Variants in KRT8 observed in about 807,000 individuals in gnomAD.
KRT8 encodes the protein keratin, type II cytoskeletal 8.
Under a neutral mutation model 43.0 loss-of-function variants are expected in KRT8, and 24 were observed. The ratio of observed to expected loss-of-function variants is 0.56; its 90% CI spans 0.40 to 0.78. The LOEUF (loss-of-function observed/expected upper bound fraction) is 0.78. Ranked by LOEUF, KRT8 falls within the 30% of genes least tolerant of loss-of-function variation. KRT8 has a pLI of 0.00. For missense variants in KRT8, 492 were observed against 638.4 expected, an observed-to-expected ratio of 0.77 and a Z score of 2.47; for synonymous variants, 214 against 261.2, an observed-to-expected ratio of 0.82 and a Z score of 1.74.
rs916289446 is a variant in KRT8, at chr12:52,934,969, CA to C, written c.-47+14486del. Among the ~76,000 whole-genome samples, 227 of 137,074 alleles carry C rather than the reference CA, an allele frequency of 1.7e-3. 1 individual carries two copies. Among genetic ancestry groups the C allele is most frequent in the African/African-American group, 5.6e-3 (208 of 37,072 alleles). The allele number at this position is 137,074 out of a possible 152,430, so 89.9% of individuals were successfully genotyped here. ...GGGCAACAAGAGTGAAACTCCGTCTCAAAAAAAAAAGGATAGATACATCTAT... is the reference window on the plus strand; with the variant it reads ...GGGCAACAAGAGTGAAACTCCGTCTCAAAAAAAAAGGATAGATACATCTAT... On this transcript the variant is annotated intron_variant, in intron 2 of 6. Coordinates refer to the KRT8 transcript ENST00000546826.
intron 2 of KRT8, among the ~76,000 whole-genome samples, chr12:52,941,803 G>A (rs1942273942): frequency 6.6e-6 from 1 of 151,884 alleles, no homozygotes; most frequent in Admixed American, 6.6e-5. Flanking sequence ...CTCACTTTTT[G>A]AAGCCCTGTC....
Position 52,932,143 on chromosome 12 carries a change from G to A in KRT8, c.-47+17313C>T, listed in dbSNP as rs112661089. Among the ~76,000 whole-genome samples, 253 of 149,002 alleles carry A rather than the reference G, an allele frequency of 1.7e-3. 1 individual carries two copies. Among genetic ancestry groups the A allele is most frequent in the African/African-American group, 6.0e-3 (243 of 40,256 alleles). ...GAGTCTCACTCTGTCACCCAGGCTG[G>A]AGTGCAGTGGCACGATCTCAGCTCA... On this transcript the variant is annotated intron_variant, in intron 2 of 6. Coordinates refer to the KRT8 transcript ENST00000546826.
At chr12:52,924,019 A>G (rs950887960) in intron 2 of KRT8, among the ~76,000 whole-genome samples, 1 of 151,028 alleles carries the variant, frequency 6.6e-6, no homozygotes, top group Non-Finnish European at 1.5e-5. Context: ...TAATTTTCGT[A>G]TTTTTTCAGT....
chr12:52,901,567 T>G, intron 2 of KRT8: 1 of 565,262 alleles, frequency 1.8e-6, no homozygotes, highest in Non-Finnish European at 3.2e-6. Flanking sequence ...AGTACAAAAG[T>G]GAGGCCCACA....
chr12:52,906,059 C>T (rs375979919), upstream of KRT8, among the ~76,000 whole-genome samples: 5 of 152,090 alleles, frequency 3.3e-5, no homozygotes, highest in East Asian at 7.7e-4. Context: ...CCAGCCTGGG[C>T]GACAGAGCGA....
upstream of KRT8, among the ~76,000 whole-genome samples, chr12:52,908,366 C>T (rs1337934857): frequency 3.3e-5 from 5 of 152,166 alleles, no homozygotes; most frequent in African/African-American, 1.2e-4. Context: ...TGATCTCATT[C>T]GCTGCAACCT....
At chr12:52,918,931 G>A (rs1051005883) in intron 2 of KRT8, among the ~76,000 whole-genome samples, 2 of 152,152 alleles carry the variant, frequency 1.3e-5, no homozygotes, top group East Asian at 1.9e-4. Flanking sequence ...TTGCAGAACA[G>A]AACAGTGTCT....
At chr12:52,938,178 T>TTG (rs1942209598) in intron 2 of KRT8, among the ~76,000 whole-genome samples, 1 of 54,900 alleles carries the variant, frequency 1.8e-5, no homozygotes, top group African/African-American at 7.5e-5. Flanking sequence ...ATATTTTTTT[T>TTG]TTTTTTTATA....
At chr12:52,931,121 G>A (rs1942076213) in intron 2 of KRT8, among the ~76,000 whole-genome samples, 1 of 150,014 alleles carries the variant, frequency 6.7e-6, no homozygotes, top group South Asian at 2.1e-4. Context: ...AGGCTGCAGT[G>A]CAGTGGCATG....
intron 2 of KRT8, among the ~76,000 whole-genome samples, chr12:52,931,657 C>T (rs373321676): frequency 1.4e-5 from 2 of 147,160 alleles, no homozygotes; most frequent in Admixed American, 1.4e-4. Context: ...ATTGGCTCCC[C>T]ATATATATAT....
At chr12:52,934,044 A>C (rs1050335395) in intron 2 of KRT8, among the ~76,000 whole-genome samples, 21 of 150,448 alleles carry the variant, frequency 1.4e-4, no homozygotes, top group Non-Finnish European at 3.0e-4. Flanking sequence ...CCTGGCCAAC[A>C]TGGTGAAACC....
intron 2 of KRT8, among the ~76,000 whole-genome samples, chr12:52,941,478 C>CTTTTTTTTTTTTTTTT (rs774607187): frequency 1.4e-5 from 1 of 72,574 alleles, no homozygotes; most frequent in African/African-American, 6.1e-5. Flanking sequence ...AGTTTTTGCT[C>CTTTTTTTTTTTTTTTT]TTTTTTTTTT....
intron 2 of KRT8, chr12:52,949,294 G>A (rs759814479): frequency 9.3e-6 from 15 of 1,610,454 alleles, no homozygotes; most frequent in Admixed American, 3.3e-5. Context: ...AGGCGCTGGG[G>A]GCTCTGGTTC....
At chr12:52,903,879 C>T (rs1309056431) in intron 1 of KRT8, among the ~76,000 whole-genome samples, 2 of 143,320 alleles carry the variant, frequency 1.4e-5, no homozygotes, top group African/African-American at 5.2e-5. Context: ...CCCACCCCAC[C>T]CCACCCACAC....
At chr12:52,948,575 T>A in intron 2 of KRT8, 1 of 166,492 alleles carries the variant, frequency 6.0e-6, no homozygotes, top group East Asian at 1.6e-4. Flanking sequence ...CACTGCAACC[T>A]CCGCCTCCCA....
rs71092794 is a variant in KRT8 at position 52,935,378 on chromosome 12, C to CAAAAAAAAAA, written c.-47+14068_-47+14077dup. ...TGGGTGACAGAGCAAGACTCTGTCT[C>CAAAAAAAAAA]AAAAAAAAAAAAAAAAAAAAAAAAA... On this transcript the variant is annotated intron_variant, in intron 2 of 6. Coordinates refer to the KRT8 transcript ENST00000546826. 2.5e-4 allele frequency among the ~76,000 whole-genome samples: 6 copies of CAAAAAAAAAA among 23,752 alleles called. 1 individual carries two copies. The highest frequency in any genetic ancestry group is 9.7e-4 in the African/African-American group (5 of 5,156). 15.6% of individuals were successfully genotyped at this position (23,752 alleles called of 152,430 possible). A position where few individuals can be genotyped will look rare whatever the true frequency, so the allele number is the denominator to read the frequency against.
intron 2 of KRT8, among the ~76,000 whole-genome samples, chr12:52,918,220 G>GAAC (rs1741378256): frequency 6.7e-6 from 1 of 149,828 alleles, no homozygotes; most frequent in Non-Finnish European, 1.5e-5. Context: ...AGAAGAAGAA[G>GAAC]AAGAAGAAGA....
At chr12:52,932,798 T>A (rs1287791399) in intron 2 of KRT8, among the ~76,000 whole-genome samples, 1 of 151,524 alleles carries the variant, frequency 6.6e-6, no homozygotes, top group South Asian at 2.1e-4. Context: ...TGAGGCTGTG[T>A]CTATAATAAA....
At chr12:52,899,712 A>C (rs1436362075) in intron 5 of KRT8, 63 bp downstream of exon 5, 35 of 1,462,418 alleles carry the variant, frequency 2.4e-5, no homozygotes, top group Non-Finnish European at 3.1e-5. Context: ...CACTCTTCCT[A>C]CATTATCTCC....
Sources: allele counts gnomAD v4.1 joint callset (sites outside exome capture counted in the v4.1 genomes callset), GRCh38; gene constraint gnomAD v4.1.1; transcripts MANE v1.5; gene names NCBI Gene and HGNC (gene_info 2026-07-23, HGNC 2026-07-21).